The following IGSF11 variants were observed in gnomAD, a reference collection of about 807,000 sequenced individuals.
IGSF11 encodes immunoglobulin superfamily member 11.
Under a neutral mutation model 41.0 loss-of-function variants are expected in IGSF11, and 22 were observed. The ratio of observed to expected loss-of-function variants is 0.54; its 90% CI spans 0.38 to 0.77. The LOEUF (loss-of-function observed/expected upper bound fraction) is 0.77, where lower values mean the gene tolerates loss of function less well. Ranked by LOEUF, IGSF11 falls within the 30% of genes least tolerant of loss-of-function variation. The pLI, the probability that IGSF11 is intolerant of heterozygous loss-of-function variation, is 0.00. For synonymous variants in IGSF11, 219 were observed against 201.3 expected, an observed-to-expected ratio of 1.09 and a Z score of -0.74; for missense variants, 444 against 530.8, an observed-to-expected ratio of 0.84 and a Z score of 1.61.
At chr3:118,997,921 T>C (rs1044876328) in intron 1 of IGSF11, among the ~76,000 whole-genome samples, 1 of 152,204 alleles carries the variant, frequency 6.6e-6, no homozygotes, top group Non-Finnish European at 1.5e-5. Context: ...TAAGTAACCA[T>C]TACTTTTCCA....
intron 6 of IGSF11, among the ~76,000 whole-genome samples, chr3:118,904,131 C>G (rs556904307): frequency 6.6e-6 from 1 of 152,126 alleles, no homozygotes; most frequent in Admixed American, 6.6e-5. Flanking sequence ...TGAGCCCGAA[C>G]CCTCAAATCT....
chr3:119,069,081 C>A (rs923622607), intron 1 of IGSF11, among the ~76,000 whole-genome samples: 5 of 151,898 alleles, frequency 3.3e-5, no homozygotes, highest in African/African-American at 1.2e-4. Context: ...CACCCACCAC[C>A]ATGCCTGGCT....
At chr3:118,903,402 T>A (rs1939167408) in intron 6 of IGSF11, among the ~76,000 whole-genome samples, 1 of 152,094 alleles carries the variant, frequency 6.6e-6, no homozygotes. Flanking sequence ...ACATAAATAT[T>A]TACTGTAAGT....
chr3:119,093,500 T>C (rs1390181068), intron 1 of IGSF11, among the ~76,000 whole-genome samples: 1 of 151,978 alleles, frequency 6.6e-6, no homozygotes, highest in Non-Finnish European at 1.5e-5. Context: ...CCCAGCCACA[T>C]TTTAGGACGA....
At chr3:119,085,739 T>C (rs2076659996) in intron 1 of IGSF11, among the ~76,000 whole-genome samples, 1 of 152,174 alleles carries the variant, frequency 6.6e-6, no homozygotes, top group East Asian at 1.9e-4. Context: ...TAAAAGAATG[T>C]AATAATACAA....
intron 1 of IGSF11, among the ~76,000 whole-genome samples, chr3:118,967,128 G>A (rs1452843518): frequency 6.6e-6 from 1 of 151,906 alleles, no homozygotes; most frequent in African/African-American, 2.4e-5. Flanking sequence ...AACATATGGG[G>A]ATGCTAAATA....
At chr3:118,910,239 T>C (rs573352837) in intron 4 of IGSF11, among the ~76,000 whole-genome samples, 1 of 152,290 alleles carries the variant, frequency 6.6e-6, no homozygotes, top group South Asian at 2.1e-4. Flanking sequence ...TCAATCCCCA[T>C]ATAGAGGTCC....
At chr3:119,143,905 G>T (rs1252710455) in intron 1 of IGSF11, among the ~76,000 whole-genome samples, 2 of 151,840 alleles carry the variant, frequency 1.3e-5, no homozygotes, top group Non-Finnish European at 1.5e-5. Context: ...AATTAAACAA[G>T]AAGACTTTAT....
At chr3:118,967,512 C>T (rs1945764783) in intron 1 of IGSF11, among the ~76,000 whole-genome samples, 1 of 152,136 alleles carries the variant, frequency 6.6e-6, no homozygotes, top group African/African-American at 2.4e-5. Context: ...GAGCTGCCTC[C>T]ATCTCCTGCT....
chr3:118,942,344 A>G (rs1003261144), intron 1 of IGSF11, among the ~76,000 whole-genome samples: 3 of 152,212 alleles, frequency 2.0e-5, no homozygotes, highest in African/African-American at 7.2e-5. Flanking sequence ...ATGATGTCCC[A>G]GTGCTATATC....
chr3:118,972,306 C>T (rs1181186646), intron 1 of IGSF11, among the ~76,000 whole-genome samples: 1 of 152,196 alleles, frequency 6.6e-6, no homozygotes, highest in East Asian at 1.9e-4. Context: ...ATGGAAAATA[C>T]TAACCTATAA....
At chr3:119,045,008 T>C (rs535784881) in intron 1 of IGSF11, among the ~76,000 whole-genome samples, 1 of 152,212 alleles carries the variant, frequency 6.6e-6, no homozygotes, top group East Asian at 1.9e-4. Context: ...AAAAAGGAAT[T>C]CAAGCAACAA....
At chr3:119,001,657 T>C (rs958667771) in intron 1 of IGSF11, among the ~76,000 whole-genome samples, 2 of 133,666 alleles carry the variant, frequency 1.5e-5, no homozygotes, top group South Asian at 5.1e-4. Context: ...GAGTGTGATA[T>C]TCCCCTTCCT....
intron 1 of IGSF11, among the ~76,000 whole-genome samples, chr3:119,029,272 A>C (rs79516305): frequency 0.041 from 5,986 of 145,290 alleles, 175 homozygotes; most frequent in East Asian, 0.11. Context: ...ACACACACAC[A>C]CACCCGAGAG....
At chr3:119,088,553 A>G (rs2076714767) in intron 1 of IGSF11, among the ~76,000 whole-genome samples, 1 of 152,200 alleles carries the variant, frequency 6.6e-6, no homozygotes, top group Admixed American at 6.5e-5. Flanking sequence ...ATGAAACAGG[A>G]CAAACCAACT....
rs189467345 is a variant in IGSF11, at chr3:119,135,296, T to A, written c.-14+10517A>T. ...AGGCAACCTACAGAATGGGAAAAAATTTTTGCAATCTACCCATCTGACAAA... is the reference window on the plus strand; with the variant it reads ...AGGCAACCTACAGAATGGGAAAAAAATTTTGCAATCTACCCATCTGACAAA... On this transcript the variant is annotated intron_variant, in intron 1 of 7. Coordinates refer to the IGSF11 transcript ENST00000425327. Among the ~76,000 whole-genome samples the A allele has an allele frequency of 7.7e-3, 1,169 of 152,058 alleles. 20 individuals carry two copies. The highest frequency in any genetic ancestry group is 0.027 in the African/African-American group (1,105 of 41,458).
At chr3:119,117,195 A>AT (rs1435960900) in intron 1 of IGSF11, among the ~76,000 whole-genome samples, 1 of 150,172 alleles carries the variant, frequency 6.7e-6, no homozygotes, top group Non-Finnish European at 1.5e-5. Flanking sequence ...ACTGGAAGTT[A>AT]TCAAAAAAAA....
chr3:119,007,659 G>A (rs1241311238), intron 1 of IGSF11, among the ~76,000 whole-genome samples: 1 of 151,972 alleles, frequency 6.6e-6, no homozygotes, highest in Non-Finnish European at 1.5e-5. Flanking sequence ...CAGAAAGCAG[G>A]GTAAGCCCCA....
chr3:119,142,213 T>G (rs1186249497), intron 1 of IGSF11, among the ~76,000 whole-genome samples: 1 of 146,720 alleles, frequency 6.8e-6, no homozygotes, highest in Non-Finnish European at 1.5e-5. Flanking sequence ...AGGCGGAGCT[T>G]GCACTGAGCC....
Sources: allele counts gnomAD v4.1 joint callset (sites outside exome capture counted in the v4.1 genomes callset), GRCh38; gene constraint gnomAD v4.1.1; transcripts MANE v1.5; gene names NCBI Gene and HGNC (gene_info 2026-07-23, HGNC 2026-07-21).